The following TFEC variants were observed in gnomAD, a reference collection of about 807,000 sequenced individuals.
The protein encoded by TFEC is transcription factor EC.
Under a neutral mutation model 41.6 loss-of-function variants are expected in TFEC, and 31 were observed. The ratio of observed to expected loss-of-function variants is 0.74; its 90% CI spans 0.56 to 1.01. TFEC has a LOEUF of 1.01. Ranked by LOEUF, TFEC falls within the 50% of genes least tolerant of loss-of-function variation. TFEC has a pLI of 0.00. For synonymous variants in TFEC, 143 were observed against 140.6 expected (o/e 1.02, Z -0.12); for missense variants, 402 against 404.1 (o/e 0.99, Z 0.04).
chr7:115,974,451 A>AT (rs869072558), intron 2 of TFEC, among the ~76,000 whole-genome samples, 195 bp from the exon 3 acceptor site: 1,211 of 25,882 alleles, frequency 0.047, 29 homozygotes, highest in Middle Eastern at 0.1. Flanking sequence ...TATATATATA[A>AT]AAACACAGAT....
chr7:115,996,440 C>T (rs548219215), intron 1 of TFEC, among the ~76,000 whole-genome samples: 13 of 152,152 alleles, frequency 8.5e-5, no homozygotes, highest in African/African-American at 3.1e-4. Context: ...CCAGGCAGTA[C>T]TTGTGATGGG....
chr7:116,022,316 G>C (rs1294039881), intron 1 of TFEC, among the ~76,000 whole-genome samples: 5 of 152,130 alleles, frequency 3.3e-5, no homozygotes, highest in African/African-American at 9.7e-5. Context: ...ATGAGGGTGA[G>C]GGCAATGTAA....
intron 1 of TFEC, among the ~76,000 whole-genome samples, chr7:116,129,355 G>T: frequency 6.7e-6 from 1 of 149,032 alleles, no homozygotes; most frequent in Non-Finnish European, 1.5e-5. Context: ...TCCCTCAATT[G>T]ACTCAGGTAT....
At chr7:116,137,433 T>C (rs542821092) in intron 1 of TFEC, among the ~76,000 whole-genome samples, 46 of 152,136 alleles carry the variant, frequency 3.0e-4, no homozygotes, top group Non-Finnish European at 5.6e-4. Flanking sequence ...TCGGCATTGT[T>C]TTAATAAACT....
chr7:116,005,650 A>G (rs1794759585), intron 1 of TFEC, among the ~76,000 whole-genome samples: 1 of 152,226 alleles, frequency 6.6e-6, no homozygotes, highest in Non-Finnish European at 1.5e-5. Flanking sequence ...TGACAATGCA[A>G]TAGAAAAGTA....
At chr7:115,977,608 G>C (rs1225478512) in intron 2 of TFEC, among the ~76,000 whole-genome samples, 1 of 151,922 alleles carries the variant, frequency 6.6e-6, no homozygotes, top group Non-Finnish European at 1.5e-5. Context: ...GAGTACTCCA[G>C]TCAGAAGATA....
At chr7:116,110,963 A>G in intron 2 of TFEC, 1 of 1,202,840 alleles carries the variant, frequency 8.3e-7, no homozygotes, top group Non-Finnish European at 1.1e-6. Flanking sequence ...GCACTGTAAA[A>G]CACATACAAA....
At chr7:115,993,846 A>C (rs947564321) in intron 1 of TFEC, among the ~76,000 whole-genome samples, 3 of 152,224 alleles carry the variant, frequency 2.0e-5, no homozygotes, top group Non-Finnish European at 4.4e-5. Context: ...ACAGAATTGC[A>C]AAAAACTACT....
intron 1 of TFEC, among the ~76,000 whole-genome samples, chr7:116,122,158 T>C (rs1287495958): frequency 6.6e-6 from 1 of 152,026 alleles, no homozygotes; most frequent in African/African-American, 2.4e-5. Context: ...AAAAAAGTGT[T>C]TGGATAGATA....
At chr7:115,977,499 A>C (rs925045479) in intron 2 of TFEC, among the ~76,000 whole-genome samples, 4 of 152,058 alleles carry the variant, frequency 2.6e-5, no homozygotes, top group African/African-American at 9.6e-5. Flanking sequence ...ATTTATAGCC[A>C]ACAAAGTATC....
intron 1 of TFEC, among the ~76,000 whole-genome samples, chr7:116,148,949 G>A (rs1026374715): frequency 1.1e-4 from 16 of 151,454 alleles, no homozygotes; most frequent in African/African-American, 3.2e-4. Flanking sequence ...AACTTTAAGC[G>A]ATCAGGGAGA....
intron 1 of TFEC, among the ~76,000 whole-genome samples, chr7:115,994,910 C>T (rs943216574): frequency 6.6e-5 from 10 of 152,012 alleles, no homozygotes; most frequent in South Asian, 4.2e-4. Context: ...ATGTTTATTG[C>T]GGCACTATTC....
intron 3 of TFEC, among the ~76,000 whole-genome samples, chr7:115,958,086 G>A (rs1043646991): frequency 1.1e-4 from 16 of 151,370 alleles, no homozygotes; most frequent in African/African-American, 9.7e-5. Context: ...GACTCTTCAC[G>A]TTTACTTTAT....
At chr7:116,011,962 T>C (rs374869056) in intron 1 of TFEC, among the ~76,000 whole-genome samples, 8 of 152,352 alleles carry the variant, frequency 5.3e-5, no homozygotes, top group African/African-American at 1.9e-4. Flanking sequence ...GGCACTATGC[T>C]TCTTGTAGGA....
At chr7:116,127,546 T>C (rs186182998) in intron 1 of TFEC, among the ~76,000 whole-genome samples, 1 of 152,318 alleles carries the variant, frequency 6.6e-6, no homozygotes, top group African/African-American at 2.4e-5. Context: ...CTCTAGACTT[T>C]CTAACAAATC....
At chr7:116,031,731 A>G (rs1460127301), upstream of TFEC, among the ~76,000 whole-genome samples, 1 of 152,124 alleles carries the variant, frequency 6.6e-6, no homozygotes, top group African/African-American at 2.4e-5. Context: ...GATTATATGA[A>G]AATATTTCAG....
chr7:116,020,600 G>A (rs1795359227), intron 1 of TFEC, among the ~76,000 whole-genome samples: 1 of 152,110 alleles, frequency 6.6e-6, no homozygotes, highest in Non-Finnish European at 1.5e-5. Context: ...GCAAAGCAAA[G>A]CTAACATGTT....
intron 1 of TFEC, among the ~76,000 whole-genome samples, chr7:116,121,667 G>A (rs1479265014): frequency 6.6e-6 from 1 of 151,982 alleles, no homozygotes; most frequent in African/African-American, 2.4e-5. Flanking sequence ...CAGAAATTTT[G>A]TTTTACAGAC....
chr7:116,067,632 T>C (rs563583463), intron 3 of TFEC, among the ~76,000 whole-genome samples: 3 of 152,168 alleles, frequency 2.0e-5, no homozygotes, highest in Non-Finnish European at 4.4e-5. Flanking sequence ...CTACCTTTTC[T>C]GAATATGCAT....
Sources: gnomAD v4.1 joint callset for allele counts (sites outside exome capture counted in the v4.1 genomes callset) on GRCh38, gnomAD v4.1.1 for gene constraint, MANE v1.5 for transcripts, NCBI Gene and HGNC (gene_info 2026-07-23, HGNC 2026-07-21) for gene names.